DYNLT5: variants seen among roughly 807,000 people sequenced by gnomAD.
The protein encoded by DYNLT5 is dynein light chain Tctex-type family member 5.
DYNLT5 carries 25 observed loss-of-function variants against 19.3 expected under a neutral mutation model. That is an observed-to-expected ratio of 1.30 (90% CI 0.95 to 1.81). The LOEUF (loss-of-function observed/expected upper bound fraction) is 1.81. Ranked by LOEUF, DYNLT5 falls within the 40% of genes most tolerant of loss-of-function variation. DYNLT5 has a pLI of 0.00. For synonymous variants in DYNLT5, 82 were observed against 68.9 expected, an observed-to-expected ratio of 1.19 and a Z score of -0.94; for missense variants, 232 against 217.9, an observed-to-expected ratio of 1.06 and a Z score of -0.41.
chr1:66,765,721 C>T (rs192026908), intron 2 of DYNLT5, among the ~76,000 whole-genome samples: 5 of 151,328 alleles, frequency 3.3e-5, no homozygotes, highest in African/African-American at 9.7e-5. Flanking sequence ...CTGCAACCTC[C>T]GCCTCCCAGG....
intron 4 of DYNLT5, 59 bp downstream of exon 4, chr1:66,776,462 C>A: frequency 2.0e-6 from 3 of 1,527,482 alleles, no homozygotes; most frequent in Admixed American, 2.1e-5. Context: ...TAAAGTACAA[C>A]GGACCCTCTA....
chr1:66,754,669 C>T lies in DYNLT5; in HGVS notation c.11C>T (p.Ser4Leu). The T allele has an allele frequency of 6.2e-7, 1 of 1,608,154 alleles. No individual in the cohort carries two copies. Among genetic ancestry groups the T allele is most frequent in the Non-Finnish European group, 8.5e-7 (1 of 1,178,004 alleles). Residue 4 changes from serine to leucine, a missense_variant, in exon 2 of 5, where the codon TCA becomes TTA. Transcript: ENST00000282670. MMM[S>L]DNAKGRAAHS... ...CTTCTTCCATAGGTTATGATGATGT[C>T]AGACAATGCTAAAGGCAGAGCAGCT... is the stretch of plus-strand genomic sequence containing the variant.
intron 2 of DYNLT5, among the ~76,000 whole-genome samples, chr1:66,761,311 G>GA (rs1212452457): frequency 6.6e-6 from 1 of 152,110 alleles, no homozygotes; most frequent in Non-Finnish European, 1.5e-5. Context: ...TTTATCTAAA[G>GA]AAAAAATGTA....
chr1:66,772,068 CTG>C (rs1450504409), intron 3 of DYNLT5, among the ~76,000 whole-genome samples: 2 of 152,136 alleles, frequency 1.3e-5, no homozygotes, highest in Non-Finnish European at 2.9e-5. Flanking sequence ...TTAATCAAAA[CTG>C]TGTTTCCACT....
chr1:66,776,448 T>A, intron 4 of DYNLT5, 45 bp downstream of exon 4: 1 of 1,557,354 alleles, frequency 6.4e-7, no homozygotes, highest in Admixed American at 1.9e-5. Context: ...GCTAGAATAT[T>A]TGCTAAAGTA....
chr1:66,776,812 C>T (rs972847978), intron 4 of DYNLT5, among the ~76,000 whole-genome samples: 4 of 152,086 alleles, frequency 2.6e-5, no homozygotes, highest in African/African-American at 9.7e-5. Context: ...TCAAGGTTTC[C>T]TCTACTTTCT....
At chr1:66,764,352 G>A (rs144391076) in intron 2 of DYNLT5, among the ~76,000 whole-genome samples, 3 of 152,192 alleles carry the variant, frequency 2.0e-5, no homozygotes, top group Admixed American at 6.5e-5. Context: ...GAGAGATGTG[G>A]GACTCTTCCT....
intron 2 of DYNLT5, among the ~76,000 whole-genome samples, chr1:66,758,786 C>T (rs905256123): frequency 2.0e-5 from 3 of 152,152 alleles, no homozygotes; most frequent in Non-Finnish European, 4.4e-5. Context: ...GAAATGATTG[C>T]ATTCATTACT....
At chr1:66,760,044 A>G (rs563221300) in intron 2 of DYNLT5, among the ~76,000 whole-genome samples, 89 of 151,746 alleles carry the variant, frequency 5.9e-4, no homozygotes, top group Non-Finnish European at 1.1e-3. Flanking sequence ...CATGTGGTTC[A>G]TTTCCTCACC....
intron 2 of DYNLT5, among the ~76,000 whole-genome samples, chr1:66,758,808 G>GA (rs1314394674): frequency 6.6e-6 from 1 of 152,124 alleles, no homozygotes; most frequent in Non-Finnish European, 1.5e-5. Context: ...CATTTCAACA[G>GA]TAATGAATTT....
chr1:66,777,864 C>A lies in DYNLT5; in HGVS notation c.*410C>A. The A allele has an allele frequency of 6.4e-6, 1 of 156,772 alleles. No individual in the cohort carries two copies. The highest frequency in any genetic ancestry group is 6.2e-5 in the Admixed American group (1 of 16,086). 9.7% of individuals were successfully genotyped at this position (156,772 alleles called of 1,614,324 possible). Reference sequence around the variant, plus strand: ...AGTAGAATATTCAACATGGTATACACAAATGATAAATAATGTGCCTCAGTG... The same window carrying A: ...AGTAGAATATTCAACATGGTATACAAAAATGATAAATAATGTGCCTCAGTG... On this transcript the variant is annotated 3_prime_UTR_variant, in exon 5 of 5. Coordinates refer to ENST00000282670, the MANE Select transcript of DYNLT5 (RefSeq NM_152665.3).
chr1:66,775,501 C>T (rs959092834), intron 3 of DYNLT5: 2 of 152,150 alleles, frequency 1.3e-5, no homozygotes, highest in African/African-American at 2.4e-5. Flanking sequence ...TTAAAAATTT[C>T]TTATGCCTTT....
At chr1:66,761,371 T>G (rs2094645661) in intron 2 of DYNLT5, among the ~76,000 whole-genome samples, 1 of 152,242 alleles carries the variant, frequency 6.6e-6, no homozygotes, top group African/African-American at 2.4e-5. Flanking sequence ...AATGATCATC[T>G]GAACCTTCAG....
intron 3 of DYNLT5, among the ~76,000 whole-genome samples, chr1:66,775,793 G>T (rs41305634): frequency 1.3e-5 from 2 of 152,190 alleles, no homozygotes; most frequent in African/African-American, 4.8e-5. Flanking sequence ...TAAGGACACA[G>T]GAGCACCTTT....
At chr1:66,776,502 T>A in intron 4 of DYNLT5, 99 bp downstream of exon 4, 1 of 1,418,318 alleles carries the variant, frequency 7.1e-7, no homozygotes, top group Non-Finnish European at 9.5e-7. Context: ...TAATTTGCAG[T>A]AACAGTTAAA....
chr1:66,767,102 T>C (rs1645162509), intron 2 of DYNLT5, among the ~76,000 whole-genome samples: 1 of 152,078 alleles, frequency 6.6e-6, no homozygotes, highest in African/African-American at 2.4e-5. Flanking sequence ...AGTTCACCTA[T>C]ATAACAAACC....
intron 2 of DYNLT5, among the ~76,000 whole-genome samples, chr1:66,757,645 T>C (rs1266828432): frequency 6.6e-6 from 1 of 152,150 alleles, no homozygotes; most frequent in African/African-American, 2.4e-5. Flanking sequence ...AGGATGATAA[T>C]AGCTAACATT....
intron 3 of DYNLT5, among the ~76,000 whole-genome samples, chr1:66,772,573 A>T (rs1645210167): frequency 6.6e-6 from 1 of 152,264 alleles, no homozygotes; most frequent in African/African-American, 2.4e-5. Flanking sequence ...ATAGTTTATC[A>T]TATCTTTACA....
rs367743410 is a variant in DYNLT5, at chr1:66,777,419, G to A, written c.505G>A (p.Ala169Thr). 5.5e-4 allele frequency: 880 copies of A among 1,613,640 alleles called. 13 individuals are homozygous for A. In the South Asian group the frequency reaches 7.5e-3, roughly 14 times the overall value. ...SYVFRNSSLFALANVYAVYLE is the reference protein window; with the variant it reads ...SYVFRNSSLFTLANVYAVYLE ...TGTTTTCAGAAATTCTTCTCTCTTC[G>A]CTCTTGCAAATGTCTATGCAGTTTA... The change falls in exon 5 of 5, where the codon GCT becomes ACT. Residue 169 changes from alanine (A) to threonine (T), a missense_variant. Transcript: ENST00000282670.
Sources: gnomAD v4.1 joint callset for allele counts (sites outside exome capture counted in the v4.1 genomes callset) on GRCh38, gnomAD v4.1.1 for gene constraint, MANE v1.5 for transcripts, NCBI Gene and HGNC (gene_info 2026-07-23, HGNC 2026-07-21) for gene names.